The following CCDC6 variants were observed in gnomAD, a reference collection of about 807,000 sequenced individuals.
CCDC6 encodes the protein coiled-coil domain-containing protein 6.
Under a neutral mutation model 56.6 loss-of-function variants are expected in CCDC6, and 20 were observed. The observed-to-expected ratio is 0.35, with a 90% CI of 0.25 to 0.51. CCDC6 has a LOEUF of 0.51. Ranked by LOEUF, CCDC6 falls within the 20% of genes least tolerant of loss-of-function variation. The probability of loss-of-function intolerance (pLI) is 0.95; values close to 1 mark genes in which losing one functional copy is unlikely to be tolerated. For missense variants in CCDC6, 367 were observed against 601.1 expected (o/e 0.61, Z 4.07); for synonymous variants, 241 against 234.4 (o/e 1.03, Z -0.26).
At chr10:59,833,524 A>C (rs1460669107) in intron 2 of CCDC6, among the ~76,000 whole-genome samples, 2 of 151,944 alleles carry the variant, frequency 1.3e-5, no homozygotes, top group African/African-American at 4.8e-5. Flanking sequence ...AAAAACAAAA[A>C]CAAACCAAAC....
chr10:59,905,568 G>A (rs1046923550), intron 1 of CCDC6, among the ~76,000 whole-genome samples: 7 of 152,118 alleles, frequency 4.6e-5, no homozygotes, highest in African/African-American at 1.2e-4. Flanking sequence ...TCTCGATCCC[G>A]GCCAGAAAAC....
chr10:59,845,888 G>A (rs1174373686), intron 2 of CCDC6, among the ~76,000 whole-genome samples: 1 of 152,180 alleles, frequency 6.6e-6, no homozygotes, highest in Non-Finnish European at 1.5e-5. Flanking sequence ...GGATGCAATG[G>A]TGTCATAGTC....
chr10:59,811,918 T>C (rs1379915365), intron 5 of CCDC6, among the ~76,000 whole-genome samples: 1 of 152,158 alleles, frequency 6.6e-6, no homozygotes, highest in Non-Finnish European at 1.5e-5. Flanking sequence ...AATAAGTTTA[T>C]ATACAAATAT....
intron 3 of CCDC6, among the ~76,000 whole-genome samples, chr10:59,816,879 C>T (rs1261309920): frequency 6.6e-6 from 1 of 152,114 alleles, no homozygotes; most frequent in Non-Finnish European, 1.5e-5. Flanking sequence ...GTGAATAAGC[C>T]ATGATTATGT....
intron 1 of CCDC6, among the ~76,000 whole-genome samples, chr10:59,898,776 A>G (rs2071482509): frequency 6.6e-6 from 1 of 152,190 alleles, no homozygotes; most frequent in African/African-American, 2.4e-5. Flanking sequence ...TTTATTTATT[A>G]CATGCCATTT....
chr10:59,807,415 G>A (rs545892958), intron 5 of CCDC6, among the ~76,000 whole-genome samples: 1 of 152,270 alleles, frequency 6.6e-6, no homozygotes, highest in African/African-American at 2.4e-5. Flanking sequence ...AACTCAGGAG[G>A]TGGAGGTTGT....
intron 1 of CCDC6, among the ~76,000 whole-genome samples, chr10:59,868,226 G>T (rs139836700): frequency 3.6e-4 from 55 of 152,290 alleles, no homozygotes; most frequent in African/African-American, 1.1e-3. Flanking sequence ...ACTGTACAGA[G>T]GATTAAGGCC....
intron 2 of CCDC6, among the ~76,000 whole-genome samples, chr10:59,843,315 C>T (rs2070959035): frequency 6.6e-6 from 1 of 152,342 alleles, no homozygotes; most frequent in African/African-American, 2.4e-5. Context: ...AGACAGTTTT[C>T]TTTTTCTTCC....
chr10:59,813,184 C>T (rs1406095338), intron 4 of CCDC6, among the ~76,000 whole-genome samples: 3 of 152,114 alleles, frequency 2.0e-5, no homozygotes, highest in Non-Finnish European at 2.9e-5. Flanking sequence ...CATTTTCTTA[C>T]GGCTTTTGAT....
chr10:59,807,777 G>C (rs542154290), intron 5 of CCDC6, among the ~76,000 whole-genome samples: 1 of 151,976 alleles, frequency 6.6e-6, no homozygotes, highest in Non-Finnish European at 1.5e-5. Flanking sequence ...TCTGCCCATG[G>C]GCTCTGCTCT....
intron 1 of CCDC6, among the ~76,000 whole-genome samples, chr10:59,855,581 A>C (rs1245602032): frequency 2.0e-5 from 3 of 151,956 alleles, no homozygotes; most frequent in Admixed American, 1.3e-4. Context: ...AACAAACCCC[A>C]AAAAGAAAGT....
intron 2 of CCDC6, among the ~76,000 whole-genome samples, chr10:59,833,519 C>G (rs933356241): frequency 1.3e-5 from 2 of 151,226 alleles, no homozygotes; most frequent in East Asian, 3.9e-4. Context: ...AATTTAAAAA[C>G]AAAAACAAAC....
intron 1 of CCDC6, among the ~76,000 whole-genome samples, chr10:59,897,057 G>T (rs888283045): frequency 6.6e-6 from 1 of 152,002 alleles, no homozygotes. Flanking sequence ...AGTACTCTTT[G>T]GTTAATAAAA....
chr10:59,856,288 G>A (rs2071079760), intron 1 of CCDC6, among the ~76,000 whole-genome samples: 1 of 149,746 alleles, frequency 6.7e-6, no homozygotes, highest in Non-Finnish European at 1.5e-5. Flanking sequence ...ATCATCTAAG[G>A]AATGAGCATA....
In CCDC6 at chr10:59,804,124, C is replaced by G. The variant is rs1299348053; in HGVS notation, c.1105+296G>C. Among the ~76,000 whole-genome samples the G allele has an allele frequency of 2.6e-5, 4 of 151,440 alleles. No homozygotes were observed. In the South Asian group the frequency reaches 6.2e-4, roughly 24 times the overall value. ...AGGCTTTTTTGTCTACCCATTAGCA[C>G]TTAAAATCATAGTCAAAGACATTCT... On this transcript the variant is annotated intron_variant, in intron 7 of 8. Transcript: ENST00000263102.
At chr10:59,874,133 A>ACACACG (rs2071257460) in intron 1 of CCDC6, among the ~76,000 whole-genome samples, 2 of 151,878 alleles carry the variant, frequency 1.3e-5, no homozygotes, top group Admixed American at 1.3e-4. Context: ...ACACACACAC[A>ACACACG]CACACACACA....
intron 7 of CCDC6, among the ~76,000 whole-genome samples, chr10:59,800,163 C>A (rs568316872): frequency 6.6e-6 from 1 of 152,204 alleles, no homozygotes; most frequent in African/African-American, 2.4e-5. Context: ...CCTGATTACA[C>A]CCTACATAAC....
intron 1 of CCDC6, among the ~76,000 whole-genome samples, chr10:59,894,902 C>T (rs2071450640): frequency 6.6e-6 from 1 of 152,254 alleles, no homozygotes; most frequent in South Asian, 2.1e-4. Flanking sequence ...TCCCTTAGGC[C>T]CAGCATCCTG....
intron 1 of CCDC6, among the ~76,000 whole-genome samples, chr10:59,893,876 C>T (rs999537885): frequency 6.6e-5 from 10 of 152,122 alleles, no homozygotes; most frequent in Middle Eastern, 3.2e-3. Context: ...ATGCAAGGTA[C>T]CGTCCAACTG....
Sources: gnomAD v4.1 joint callset for allele counts (sites outside exome capture counted in the v4.1 genomes callset) on GRCh38, gnomAD v4.1.1 for gene constraint, MANE v1.5 for transcripts, NCBI Gene and HGNC (gene_info 2026-07-23, HGNC 2026-07-21) for gene names.